The following LAMA2 variants were observed in gnomAD, a reference collection of about 807,000 sequenced individuals.
LAMA2 encodes the protein laminin subunit alpha 2.
LAMA2 carries 269 observed loss-of-function variants against 364.8 expected under a neutral mutation model. The observed-to-expected ratio is 0.74, with a 90% CI of 0.67 to 0.82. The LOEUF is 0.82. Ranked by LOEUF, LAMA2 falls within the 40% of genes least tolerant of loss-of-function variation. LAMA2 has a pLI of 0.00. For synonymous variants in LAMA2, 1,379 were observed against 1,370.6 expected (o/e 1.01, Z -0.14); for missense variants, 3,807 against 3,873.2 (o/e 0.98, Z 0.45).
intron 12 of LAMA2, among the ~76,000 whole-genome samples, chr6:129,199,486 G>A (rs910741905): frequency 6.6e-6 from 1 of 152,172 alleles, no homozygotes; most frequent in Admixed American, 6.5e-5. Flanking sequence ...GCTAGAAGAT[G>A]TGGACAGTGC....
chr6:129,207,788 G>GAA (rs571314447), intron 12 of LAMA2, among the ~76,000 whole-genome samples: 77 of 126,924 alleles, frequency 6.1e-4, no homozygotes, highest in Middle Eastern at 7.6e-3. Flanking sequence ...ATACCCCTGA[G>GAA]AAAAAAAAAA....
At chr6:128,948,285 TAGGA>T (rs1562860376) in intron 1 of LAMA2, among the ~76,000 whole-genome samples, 1 of 152,150 alleles carries the variant, frequency 6.6e-6, no homozygotes. Context: ...GGGAACTCTA[TAGGA>T]ATACTAATTT....
At chr6:129,265,227 T>A (rs190943442) in intron 15 of LAMA2, among the ~76,000 whole-genome samples, 2 of 152,278 alleles carry the variant, frequency 1.3e-5, no homozygotes, top group Admixed American at 1.3e-4. Context: ...TTTGGAGATA[T>A]ATGCTTAGAT....
At chr6:129,139,664 A>G (rs563808336) in intron 4 of LAMA2, among the ~76,000 whole-genome samples, 7 of 152,210 alleles carry the variant, frequency 4.6e-5, no homozygotes, top group African/African-American at 1.7e-4. Context: ...GTCAAAATAA[A>G]AGAGATTAGG....
intron 1 of LAMA2, among the ~76,000 whole-genome samples, chr6:128,945,426 T>A (rs1419799653): frequency 1.3e-5 from 2 of 152,244 alleles, no homozygotes; most frequent in East Asian, 3.9e-4. Context: ...CAGCAGGCAG[T>A]GAAGAACAGC....
chr6:128,976,644 G>T (rs139095760), intron 1 of LAMA2, among the ~76,000 whole-genome samples: 95 of 152,274 alleles, frequency 6.2e-4, no homozygotes, highest in African/African-American at 2.3e-3. Context: ...TTTGAAAGTG[G>T]TATGTCACTA....
chr6:128,968,498 G>T (rs1037672145), intron 1 of LAMA2, among the ~76,000 whole-genome samples: 2 of 152,154 alleles, frequency 1.3e-5, no homozygotes, highest in African/African-American at 4.8e-5. Flanking sequence ...GGGAAGAAAT[G>T]AAAACAGGTG....
intron 1 of LAMA2, among the ~76,000 whole-genome samples, chr6:128,976,741 T>C (rs1782553499): frequency 1.3e-5 from 2 of 152,306 alleles, no homozygotes; most frequent in Admixed American, 1.3e-4. Flanking sequence ...ATAAATATCA[T>C]ACGAATCCTA....
intron 37 of LAMA2, among the ~76,000 whole-genome samples, chr6:129,396,806 T>C (rs1407786228): frequency 6.6e-6 from 1 of 151,738 alleles, no homozygotes; most frequent in African/African-American, 2.4e-5. Context: ...TGACACCCTA[T>C]CTCTATAGAA....
intron 3 of LAMA2, among the ~76,000 whole-genome samples, chr6:129,064,136 A>G (rs1276188107): frequency 6.6e-6 from 1 of 152,026 alleles, no homozygotes; most frequent in Non-Finnish European, 1.5e-5. Flanking sequence ...ATTTTGGAAA[A>G]TTCACAAATA....
chr6:129,208,416 A>G (rs1282370236), intron 12 of LAMA2, among the ~76,000 whole-genome samples: 2 of 152,154 alleles, frequency 1.3e-5, no homozygotes, highest in East Asian at 1.9e-4. Context: ...GAGGTCAGGC[A>G]TTATTTTGTT....
intron 22 of LAMA2, among the ~76,000 whole-genome samples, chr6:129,309,902 A>ATTTTTTTTTTTTTTTTTTTTTTT (rs993652081): frequency 7.4e-6 from 1 of 135,772 alleles, no homozygotes; most frequent in Admixed American, 7.7e-5. Flanking sequence ...CCTGATAATC[A>ATTTTTTTTTTTTTTTTTTTTTTT]TTTTTTTTTT....
At chr6:129,068,857 A>C (rs1773111027) in intron 3 of LAMA2, among the ~76,000 whole-genome samples, 1 of 152,112 alleles carries the variant, frequency 6.6e-6, no homozygotes. Flanking sequence ...TTTTTGCTTG[A>C]CATTGTATTT....
chr6:128,998,103 G>A (rs1451359554), intron 1 of LAMA2, among the ~76,000 whole-genome samples: 4 of 152,082 alleles, frequency 2.6e-5, no homozygotes, highest in Admixed American at 6.5e-5. Context: ...TGCCTGATGC[G>A]GAGAGGAGGA....
intron 12 of LAMA2, among the ~76,000 whole-genome samples, chr6:129,217,363 G>A (rs886255386): frequency 1.3e-5 from 2 of 152,036 alleles, no homozygotes; most frequent in Non-Finnish European, 2.9e-5. Context: ...TTATGTAAAT[G>A]CACATGAATA....
chr6:129,383,214 G>T lies in LAMA2; in HGVS notation c.5052G>T (p.Glu1684Asp). 1.2e-6 allele frequency: 2 copies of T among 1,612,984 alleles called. No homozygotes were observed. Among genetic ancestry groups the T allele is most frequent in the Non-Finnish European group, 1.7e-6 (2 of 1,179,330 alleles). Reference sequence around the variant, plus strand: ...AGTCCCTGGGAGAATTCATTAAGGAGCTTGCCCGGGATGCAGAAGGTATTA... The same window carrying T: ...AGTCCCTGGGAGAATTCATTAAGGATCTTGCCCGGGATGCAGAAGGTATTA... ...RAKSLGEFIK[E>D]LARDAEAVNE... The change falls in exon 35 of 65, where the codon GAG (glutamate) becomes GAT (aspartate). Residue 1684 changes from glutamate (E) to aspartate (D), a missense_variant. By Grantham distance (45) the Glu-to-Asp change is conservative. Coordinates refer to ENST00000421865, the MANE Select transcript of LAMA2 (RefSeq NM_000426.4).
intron 1 of LAMA2, among the ~76,000 whole-genome samples, chr6:128,913,467 G>A (rs1272368152): frequency 2.0e-5 from 3 of 152,114 alleles, no homozygotes; most frequent in African/African-American, 4.8e-5. Flanking sequence ...CTGTATGAAC[G>A]TAAGCTATAA....
chr6:128,909,364 T>A (rs1777729296), intron 1 of LAMA2, among the ~76,000 whole-genome samples: 1 of 151,944 alleles, frequency 6.6e-6, no homozygotes. Flanking sequence ...CTCTTCTTGT[T>A]GAATTGATCC....
chr6:129,464,493 G>A, intron 50 of LAMA2, 41 bp downstream of exon 50: 1 of 1,514,884 alleles, frequency 6.6e-7, no homozygotes, highest in Non-Finnish European at 9.2e-7. Context: ...TGACTAAAAT[G>A]CGTTTGCTTC....
Sources: allele counts gnomAD v4.1 joint callset (sites outside exome capture counted in the v4.1 genomes callset), GRCh38; gene constraint gnomAD v4.1.1; transcripts MANE v1.5; gene names NCBI Gene and HGNC (gene_info 2026-07-23, HGNC 2026-07-21).